The following FAF1 variants were observed in gnomAD, a reference collection of about 807,000 sequenced individuals.
The protein encoded by FAF1 is Fas associated factor 1, also known as FAS-associated factor 1.
In FAF1, 25 loss-of-function variants were observed where a neutral mutation model predicts 92.5. The ratio of observed to expected loss-of-function variants is 0.27; its 90% CI spans 0.20 to 0.38. FAF1 has a LOEUF of 0.38. Among genes scored for constraint, FAF1 ranks in the 10% least tolerant of loss-of-function variants. FAF1 has a pLI of 1.00. For missense variants in FAF1, 636 were observed against 793.3 expected (o/e 0.80, Z 2.38); for synonymous variants, 234 against 273.2 (o/e 0.86, Z 1.42).
chr1:50,599,114 T>C (rs1016143687), intron 8 of FAF1, among the ~76,000 whole-genome samples: 1 of 152,262 alleles, frequency 6.6e-6, no homozygotes, highest in Admixed American at 6.5e-5. Flanking sequence ...GTGTTGTATT[T>C]ATTTATTTAT....
intron 2 of FAF1, among the ~76,000 whole-genome samples, chr1:50,806,364 T>C (rs1303440862): frequency 6.6e-6 from 1 of 152,098 alleles, no homozygotes; most frequent in Non-Finnish European, 1.5e-5. Flanking sequence ...ATACAAGTAT[T>C]AGCAATAATA....
chr1:50,702,571 T>C (rs553866804), intron 7 of FAF1, among the ~76,000 whole-genome samples: 1 of 152,116 alleles, frequency 6.6e-6, no homozygotes, highest in Non-Finnish European at 1.5e-5. Flanking sequence ...GACCTTTTTA[T>C]ACTGTCACTG....
chr1:50,684,085 A>G (rs1036094665), intron 7 of FAF1, among the ~76,000 whole-genome samples: 5 of 152,172 alleles, frequency 3.3e-5, no homozygotes, highest in African/African-American at 1.2e-4. Context: ...GGTTCACACT[A>G]TTGGTTTCCA....
chr1:50,488,492 G>A (rs557445536), intron 17 of FAF1, among the ~76,000 whole-genome samples: 1 of 152,182 alleles, frequency 6.6e-6, no homozygotes, highest in South Asian at 2.1e-4. Flanking sequence ...CACAGAGCTA[G>A]AGAGTGTGTG....
intron 2 of FAF1, among the ~76,000 whole-genome samples, chr1:50,845,628 T>A (rs1644292472): frequency 6.6e-6 from 1 of 152,056 alleles, no homozygotes; most frequent in Non-Finnish European, 1.5e-5. Context: ...GTCCAGTGAC[T>A]ACGAACCAGC....
intron 6 of FAF1, among the ~76,000 whole-genome samples, chr1:50,729,980 C>T (rs1338466084): frequency 6.6e-6 from 1 of 152,010 alleles, no homozygotes; most frequent in Non-Finnish European, 1.5e-5. Flanking sequence ...CAGATTGAGC[C>T]ATTGCACTCC....
chr1:50,568,371 G>C (rs1650267320), intron 12 of FAF1, among the ~76,000 whole-genome samples: 2 of 152,054 alleles, frequency 1.3e-5, no homozygotes, highest in Admixed American at 1.3e-4. Context: ...GAAACTTACA[G>C]AAAAATATAA....
intron 13 of FAF1, among the ~76,000 whole-genome samples, chr1:50,566,851 T>C (rs1650195187): frequency 6.6e-6 from 1 of 152,130 alleles, no homozygotes; most frequent in African/African-American, 2.4e-5. Context: ...GAAATGTATT[T>C]TTGTTTTCAG....
chr1:50,760,790 A>G (rs373024619), intron 4 of FAF1, among the ~76,000 whole-genome samples: 4 of 152,254 alleles, frequency 2.6e-5, no homozygotes, highest in South Asian at 2.1e-4. Context: ...AGAAAAGCAA[A>G]AGCAAACACA....
intron 4 of FAF1, among the ~76,000 whole-genome samples, chr1:50,749,588 C>G (rs191920263): frequency 6.6e-6 from 1 of 152,228 alleles, no homozygotes; most frequent in East Asian, 1.9e-4. Context: ...AAGTTTGAGA[C>G]CAACATGAGC....
chr1:50,648,869 T>A (rs1654718626), intron 8 of FAF1, among the ~76,000 whole-genome samples: 1 of 152,176 alleles, frequency 6.6e-6, no homozygotes, highest in South Asian at 2.1e-4. Flanking sequence ...GAGGTTGCGG[T>A]GAGCCAAGAT....
chr1:50,687,682 G>A (rs931768746), intron 7 of FAF1, among the ~76,000 whole-genome samples: 1 of 151,698 alleles, frequency 6.6e-6, no homozygotes, highest in Admixed American at 6.6e-5. Flanking sequence ...CTGGGAGGCA[G>A]AGGTTGCAGT....
chr1:50,865,587 A>G (rs1043682478), intron 1 of FAF1, among the ~76,000 whole-genome samples: 3 of 137,874 alleles, frequency 2.2e-5, no homozygotes, highest in South Asian at 2.6e-4. Flanking sequence ...CTATTGCAAG[A>G]ACAAAAAACC....
At chr1:50,662,129 T>A (rs1051134094) in intron 7 of FAF1, among the ~76,000 whole-genome samples, 1 of 152,202 alleles carries the variant, frequency 6.6e-6, no homozygotes, top group East Asian at 1.9e-4. Context: ...TTCTTCTCAT[T>A]AACCATTAAA....
intron 1 of FAF1, among the ~76,000 whole-genome samples, chr1:50,887,556 A>C (rs1644678734): frequency 6.6e-6 from 1 of 152,198 alleles, no homozygotes; most frequent in Admixed American, 6.5e-5. Flanking sequence ...ATTTTTGTAG[A>C]AGGTGTAAGG....
chr1:50,741,653 C>A (rs1285268075), intron 5 of FAF1, among the ~76,000 whole-genome samples: 1 of 152,172 alleles, frequency 6.6e-6, no homozygotes, highest in Admixed American at 6.5e-5. Context: ...AACTGAAATA[C>A]TAAAAAGTGG....
intron 18 of FAF1, among the ~76,000 whole-genome samples, chr1:50,471,880 T>G (rs1646577144): frequency 6.6e-6 from 1 of 151,520 alleles, no homozygotes. Context: ...AGAAGAGTTG[T>G]GGGATAAAGA....
chr1:50,684,405 T>A (rs1352856424), intron 7 of FAF1, among the ~76,000 whole-genome samples: 1 of 152,034 alleles, frequency 6.6e-6, no homozygotes, highest in Non-Finnish European at 1.5e-5. Context: ...AGTAGAGGAA[T>A]AAAGCAGCTG....
At chr1:50,940,788 A>T (rs1469503124) in intron 1 of FAF1, among the ~76,000 whole-genome samples, 1 of 152,236 alleles carries the variant, frequency 6.6e-6, no homozygotes, top group African/African-American at 2.4e-5. Context: ...GTAACTACGT[A>T]ATCTCAGTAG....
Sources: allele counts gnomAD v4.1 joint callset (sites outside exome capture counted in the v4.1 genomes callset), GRCh38; gene constraint gnomAD v4.1.1; transcripts MANE v1.5; gene names NCBI Gene and HGNC (gene_info 2026-07-23, HGNC 2026-07-21).